Variants in SLC25A28 observed in about 807,000 individuals in gnomAD.
SLC25A28 encodes solute carrier family 25 member 28, also known as mitoferrin-2.
In SLC25A28, 10 loss-of-function variants were observed where a neutral mutation model predicts 31.9. The ratio of observed to expected loss-of-function variants is 0.31; its 90% CI spans 0.19 to 0.53. SLC25A28 has a LOEUF of 0.53. Among genes scored for constraint, SLC25A28 ranks in the 20% least tolerant of loss-of-function variants. The pLI is 0.95. For synonymous variants in SLC25A28, 208 were observed against 203.6 expected (o/e 1.02, Z -0.19); for missense variants, 256 against 490.3 (o/e 0.52, Z 4.51).
At chr10:99,649,346 G>T in the SLC25A28 span, among the ~76,000 whole-genome samples, 1 of 152,086 alleles carries the variant, frequency 6.6e-6, no homozygotes, top group Non-Finnish European at 1.5e-5. Flanking sequence ...TGTTGAATTT[G>T]ATTTGCTAAT....
rs897824180 is a variant in SLC25A28, at chr10:99,618,627, A to T, written c.291+1418T>A. On this transcript the variant is annotated intron_variant, in intron 1 of 3. Coordinates refer to ENST00000370495, the MANE Select transcript of SLC25A28 (RefSeq NM_031212.4). The stretch of plus-strand genomic sequence containing the variant: ...TTTACAGTTTATTTCTATTTCTCCC[A>T]ATTGACAAGGACATTTAACATTCTA... 18 of 985,292 alleles carry T rather than the reference A, an allele frequency of 1.8e-5. No individual in the cohort carries two copies. In the Admixed American group the frequency reaches 9.8e-4, roughly 54 times the overall value. The allele number at this position is 985,292 out of a possible 1,614,324, so 61.0% of individuals were successfully genotyped here.
rs1011772755 is a variant in SLC25A28 at position 99,616,067 on chromosome 10, G to A, written c.292-2143C>T. 53 of 985,284 alleles carry A rather than the reference G, an allele frequency of 5.4e-5. No homozygotes were observed. The African/African-American group carries it at 8.9e-4, about 17-fold the overall frequency. 61.0% of individuals were successfully genotyped at this position (985,284 alleles called of 1,614,324 possible). A position where few individuals can be genotyped will look rare whatever the true frequency, so the allele number is the denominator to read the frequency against. On this transcript the variant is annotated intron_variant, in intron 1 of 3. Transcript: ENST00000370495. The stretch of plus-strand genomic sequence containing the variant: ...CTATGCCAAATATAAAAATGAATAT[G>A]GCTCCCCAAATTTGTGGGCCAATAA...
At chr10:99,615,313 G>A in intron 1 of SLC25A28, 1 of 756,666 alleles carries the variant, frequency 1.3e-6, no homozygotes, top group Non-Finnish European at 1.6e-6. Flanking sequence ...GCTGGTTTGA[G>A]CCACTGCACG....
At chr10:99,657,134 A>G in the SLC25A28 span, among the ~76,000 whole-genome samples, 1 of 152,212 alleles carries the variant, frequency 6.6e-6, no homozygotes, top group Non-Finnish European at 1.5e-5. Context: ...CTTTTGAATT[A>G]TAAGTTAATA....
At chr10:99,628,563 G>A in the SLC25A28 span, among the ~76,000 whole-genome samples, 707 of 152,310 alleles carry the variant, frequency 4.6e-3, 5 homozygotes, top group South Asian at 0.015. Context: ...AGTGGCTCAC[G>A]CCTACAATCC....
At position 99,613,654 on chromosome 10, in the gene SLC25A28, G is replaced by C; in HGVS notation, c.520+42C>G. The C allele has an allele frequency of 6.2e-7, 1 of 1,613,874 alleles. No homozygotes were observed. Among genetic ancestry groups the C allele is most frequent in the Non-Finnish European group, 8.5e-7 (1 of 1,179,932 alleles). The stretch of plus-strand genomic sequence containing the variant: ...AGCACTGACAGCAGCAAAGCCCAAA[G>C]AGTTGGGAAAGTGGGGGAACCAGCA... On this transcript the variant is annotated intron_variant, in intron 2 of 3. Coordinates refer to ENST00000370495, the MANE Select transcript of SLC25A28 (RefSeq NM_031212.4). The surrounding 1 kb of genome is among the most constrained non-coding windows in gnomAD (Gnocchi z 4.9).
At chr10:99,620,728 G>T, upstream of SLC25A28, 4 of 985,628 alleles carry the variant, frequency 4.1e-6, no homozygotes, top group Non-Finnish European at 3.6e-6. Context: ...AACTTTGATA[G>T]GCTCAACCAC....
the SLC25A28 span, among the ~76,000 whole-genome samples, chr10:99,654,299 C>G: frequency 6.6e-6 from 1 of 152,042 alleles, no homozygotes; most frequent in Non-Finnish European, 1.5e-5. Context: ...AAATAATAAG[C>G]CCAAGGTAAG....
At position 99,613,865 on chromosome 10, in the gene SLC25A28, G is replaced by A. The variant is rs370300780; in HGVS notation, c.351C>T (p.Ala117=). 1 of 1,614,080 alleles carries A rather than the reference G, an allele frequency of 6.2e-7. No individual in the cohort carries two copies. The highest frequency in any genetic ancestry group is 8.5e-7 in the Non-Finnish European group (1 of 1,179,996). The part of the protein sequence containing the change: ...PAARYRNVLE[A]LWRIIRTEGL... ...CCTCCGTTCTTATAATCCTCCAGAG[G>A]GCCTCCAACACATTGCGATAGCGGG... The change falls in exon 2 of 4, where the codon GCC becomes GCT. Residue 117 remains alanine, a synonymous_variant. Coordinates refer to ENST00000370495, the MANE Select transcript of SLC25A28 (RefSeq NM_031212.4). This position sits in a 1 kb window ranked among gnomAD's most constrained non-coding sequence, Gnocchi z 4.9.
intron 1 of SLC25A28, chr10:99,616,382 T>A (rs929834250): frequency 2.3e-6 from 2 of 855,012 alleles, no homozygotes; most frequent in African/African-American, 3.7e-5. Flanking sequence ...TTAAAAGAGA[T>A]AAGATATGTA....
upstream of SLC25A28, among the ~76,000 whole-genome samples, chr10:99,624,508 A>G (rs773530647): frequency 4.6e-5 from 7 of 152,300 alleles, no homozygotes; most frequent in African/African-American, 7.2e-5. Flanking sequence ...ACTGTCGTAC[A>G]TCTCACCAGC....
At chr10:99,625,313 C>T (rs556443858), upstream of SLC25A28, among the ~76,000 whole-genome samples, 2 of 151,952 alleles carry the variant, frequency 1.3e-5, no homozygotes, top group African/African-American at 4.8e-5. Context: ...CTTATTTGGC[C>T]CTGTTCCCCC....
In SLC25A28 at chr10:99,618,472, T is replaced by C. The variant is rs1398370349; in HGVS notation, c.291+1573A>G. The C allele has an allele frequency of 4.1e-6, 4 of 985,330 alleles. No individual in the cohort carries two copies. In the Admixed American group the frequency reaches 1.8e-4, roughly 45 times the overall value. 61.0% of individuals were successfully genotyped at this position (985,330 alleles called of 1,614,324 possible). Reference sequence around the variant, plus strand: ...GGGAGGTTACTCTGCAGCTAGATTATATTAACTTTTGGATATACGGCATTA... The same window carrying C: ...GGGAGGTTACTCTGCAGCTAGATTACATTAACTTTTGGATATACGGCATTA... On this transcript the variant is annotated intron_variant, in intron 1 of 3. Coordinates refer to ENST00000370495, the MANE Select transcript of SLC25A28 (RefSeq NM_031212.4).
At chr10:99,642,585 A>G in the SLC25A28 span, among the ~76,000 whole-genome samples, 1 of 152,170 alleles carries the variant, frequency 6.6e-6, no homozygotes, top group Non-Finnish European at 1.5e-5. Context: ...TGCCCTGGCC[A>G]GAACTTCCAA....
At chr10:99,620,814 A>G (rs1251729885), upstream of SLC25A28, 1 of 985,336 alleles carries the variant, frequency 1.0e-6, no homozygotes, top group Non-Finnish European at 1.2e-6. Flanking sequence ...CGACGCGCCC[A>G]GGGACTCTAG....
At chr10:99,623,777 C>CT (rs2034833213), upstream of SLC25A28, among the ~76,000 whole-genome samples, 1 of 152,082 alleles carries the variant, frequency 6.6e-6, no homozygotes, top group Non-Finnish European at 1.5e-5. Flanking sequence ...GGTGGAGACT[C>CT]TGTCAGCCTG....
upstream of SLC25A28, chr10:99,620,450 G>A (rs2034765465): frequency 1.9e-6 from 2 of 1,046,862 alleles, no homozygotes; most frequent in Non-Finnish European, 1.1e-6. Flanking sequence ...GGGGCCTCCG[G>A]CTCCCGCTTG....
chr10:99,641,200 T>C, the SLC25A28 span, among the ~76,000 whole-genome samples: 1 of 152,228 alleles, frequency 6.6e-6, no homozygotes, highest in East Asian at 1.9e-4. Context: ...AAAGTGTTCC[T>C]ATTTCTCCAC....
chr10:99,645,965 G>A, the SLC25A28 span, among the ~76,000 whole-genome samples: 4 of 152,178 alleles, frequency 2.6e-5, no homozygotes, highest in South Asian at 2.1e-4. Flanking sequence ...GGTGTCAGTC[G>A]GCCCCTACTG....
Sources: allele counts gnomAD v4.1 joint callset (sites outside exome capture counted in the v4.1 genomes callset), GRCh38; gene constraint gnomAD v4.1.1; non-coding constraint Gnocchi (gnomAD v3.1); transcripts MANE v1.5; gene names NCBI Gene and HGNC (gene_info 2026-07-23, HGNC 2026-07-21).